Variants in GSPT1 observed in about 807,000 individuals in gnomAD.
The protein encoded by GSPT1 is G1 to S phase transition 1.
Under a neutral mutation model 72.5 loss-of-function variants are expected in GSPT1, and 20 were observed. That is an observed-to-expected ratio of 0.28 (90% confidence interval 0.19 to 0.40). GSPT1 has a LOEUF of 0.40. Among genes scored for constraint, GSPT1 ranks in the 10% least tolerant of loss-of-function variants. GSPT1 has a pLI of 1.00. For missense variants in GSPT1, 580 were observed against 811.9 expected, an observed-to-expected ratio of 0.71 and a Z score of 3.47; for synonymous variants, 334 against 293.5, an observed-to-expected ratio of 1.14 and a Z score of -1.41.
At chr16:11,900,495 GA>G (rs1317434755) in intron 1 of GSPT1, among the ~76,000 whole-genome samples, 1 of 151,942 alleles carries the variant, frequency 6.6e-6, no homozygotes, top group African/African-American at 2.4e-5. Flanking sequence ...CCTAAGTGCC[GA>G]CTGCTAGCTC....
At chr16:11,910,714 C>T (rs140541071) in intron 1 of GSPT1, among the ~76,000 whole-genome samples, 80 of 152,294 alleles carry the variant, frequency 5.3e-4, no homozygotes, top group African/African-American at 1.8e-3. Flanking sequence ...TTAACTTGTT[C>T]AAACTGAAAT....
intron 5 of GSPT1, among the ~76,000 whole-genome samples, chr16:11,893,743 CAT>C (rs2054299269): frequency 6.6e-6 from 1 of 152,134 alleles, no homozygotes; most frequent in South Asian, 2.1e-4. Context: ...TGTCCTGAAA[CAT>C]AACATCATAT....
intron 11 of GSPT1, among the ~76,000 whole-genome samples, chr16:11,882,799 TA>T (rs549417221): frequency 4.8e-3 from 683 of 142,862 alleles, no homozygotes; most frequent in Middle Eastern, 0.018. Flanking sequence ...AATTTTTATT[TA>T]AAAAAAAAAA....
intron 1 of GSPT1, chr16:11,909,003 A>G (rs1211946632): frequency 3.3e-5 from 5 of 152,168 alleles, no homozygotes; most frequent in Admixed American, 3.3e-4. Context: ...AACCACCTAA[A>G]GGCAATGGAC....
chr16:11,870,224 AG>A lies in GSPT1; in HGVS notation c.*2894del, dbSNP rs2053963726. On this transcript the variant is annotated 3_prime_UTR_variant, in exon 15 of 15. Transcript: ENST00000434724. Reference sequence around the variant, plus strand: ...CAACTCTTTTGGTTTGATTTTACATAGATTTTCACTTACTTCTGCAAATTAA... The same window carrying A: ...CAACTCTTTTGGTTTGATTTTACATAATTTTCACTTACTTCTGCAAATTAA... The A allele has an allele frequency of 6.6e-6, 1 of 152,240 alleles. No homozygotes were observed. The highest frequency in any genetic ancestry group is 2.4e-5 in the African/African-American group (1 of 41,468). 9.4% of individuals were successfully genotyped at this position (152,240 alleles called of 1,614,324 possible). A position where few individuals can be genotyped will look rare whatever the true frequency, so the allele number is the denominator to read the frequency against.
Position 11,885,171 on chromosome 16 carries a change from T to C in GSPT1, c.1347+10A>G. ...CCCAGGAAACCCAATTTCTTTAACA[T>C]TTTGGGTACCTTGTACTTATCCACA... On this transcript the variant is annotated intron_variant, in intron 10 of 14. Coordinates refer to ENST00000434724, the MANE Select transcript of GSPT1 (RefSeq NM_002094.4). The C allele has an allele frequency of 7.3e-7, 1 of 1,373,744 alleles. No individual in the cohort carries two copies. Among genetic ancestry groups the C allele is most frequent in the Non-Finnish European group, 1.0e-6 (1 of 961,532 alleles). 85.1% of individuals were successfully genotyped at this position (1,373,744 alleles called of 1,614,324 possible). A position where few individuals can be genotyped will look rare whatever the true frequency, so the allele number is the denominator to read the frequency against.
At chr16:11,879,546 A>G (rs949012043) in intron 11 of GSPT1, among the ~76,000 whole-genome samples, 1 of 152,162 alleles carries the variant, frequency 6.6e-6, no homozygotes, top group African/African-American at 2.4e-5. Context: ...CAGCCTGGCC[A>G]ACACGGTGAA....
chr16:11,886,835 G>A lies in GSPT1; in HGVS notation c.1054C>T (p.His352Tyr). The A allele has an allele frequency of 6.2e-7, 1 of 1,613,356 alleles. No individual in the cohort carries two copies. The highest frequency in any genetic ancestry group is 8.5e-7 in the Non-Finnish European group (1 of 1,179,338). ...ATCTTATTAATTAGCACAATTAGGT[G>A]TTTTACACCTGCTGTCTTTGCCAAC... ...AMLAKTAGVKHLIVLINKMDD... is the reference protein window; with the variant it reads ...AMLAKTAGVKYLIVLINKMDD... Residue 352 changes from histidine to tyrosine, a missense_variant, in exon 8 of 15, where the codon CAC becomes TAC. By Grantham distance (83) the His-to-Tyr change is moderately conservative (BLOSUM62 2). Transcript: ENST00000434724.
chr16:11,914,199 G>C (rs752334433), intron 1 of GSPT1, among the ~76,000 whole-genome samples: 1 of 152,146 alleles, frequency 6.6e-6, no homozygotes, highest in Non-Finnish European at 1.5e-5. Flanking sequence ...TCTCTTTAAG[G>C]AAACACTGAT....
At chr16:11,915,332 G>A (rs1412877996) in intron 1 of GSPT1, 37 bp downstream of exon 1, 2 of 1,428,666 alleles carry the variant, frequency 1.4e-6, no homozygotes, top group Non-Finnish European at 1.8e-6. Flanking sequence ...GGGCTCCGGC[G>A]CCCGGCCGGA....
At chr16:11,915,278 G>A (rs879383823) in intron 1 of GSPT1, 91 bp downstream of exon 1, 210 of 1,223,356 alleles carry the variant, frequency 1.7e-4, no homozygotes, top group Admixed American at 3.1e-4. Flanking sequence ...GTGCCGACCG[G>A]GCCCCAGGGC....
At chr16:11,902,776 G>C (rs2054430918) in intron 1 of GSPT1, among the ~76,000 whole-genome samples, 1 of 151,954 alleles carries the variant, frequency 6.6e-6, no homozygotes, top group East Asian at 1.9e-4. Flanking sequence ...TAGTAGAGAC[G>C]GGGGTTTCAC....
intron 6 of GSPT1, among the ~76,000 whole-genome samples, chr16:11,890,288 C>G (rs2054242541): frequency 6.6e-6 from 1 of 152,136 alleles, no homozygotes; most frequent in Admixed American, 6.6e-5. Flanking sequence ...TAAAAAATAA[C>G]TGTCCTCAGA....
chr16:11,875,418 A>T (rs71383302), intron 14 of GSPT1, among the ~76,000 whole-genome samples: 1,676 of 143,810 alleles, frequency 0.012, 13 homozygotes, highest in African/African-American at 0.031. Context: ...AATTAGGTGT[A>T]AAAAAAAAAA....
At chr16:11,892,848 AAAAAAAAG>A (rs1362247468) in intron 5 of GSPT1, among the ~76,000 whole-genome samples, 8 of 149,830 alleles carry the variant, frequency 5.3e-5, no homozygotes, top group African/African-American at 2.0e-4. Context: ...AAAAAAAAAA[AAAAAAAAG>A]AAAAGAAAAG....
chr16:11,915,372 C>A lies in GSPT1; in HGVS notation c.349G>T (p.Ala117Ser). ...HGAGSGAGGR[A>S]APVESSQEEQ... The stretch of plus-strand genomic sequence containing the variant: ...CTCCCGCGTCCCGGGCCTTTACCCG[C>A]ACGGCCTCCCGCGCCGCTGCCGGCT... The change falls in exon 1 of 15, where the codon GCG becomes TCG. Residue 117 changes from alanine to serine, a missense_variant. Around this residue, in one of 6 missense-constraint regions of GSPT1, gnomAD observed 327 missense variants for 298.8 expected, o/e 1.09. Coordinates refer to ENST00000434724, the MANE Select transcript of GSPT1 (RefSeq NM_002094.4). 1 of 1,480,912 alleles carries A rather than the reference C, an allele frequency of 6.8e-7. No homozygotes were observed. Among genetic ancestry groups the A allele is most frequent in the African/African-American group, 1.5e-5 (1 of 67,042 alleles). The allele number at this position is 1,480,912 out of a possible 1,614,324, so 91.7% of individuals were successfully genotyped here. A position where few individuals can be genotyped will look rare whatever the true frequency, so the allele number is the denominator to read the frequency against.
In GSPT1 at chr16:11,899,549, G is replaced by C. The variant is rs531329481; in HGVS notation, c.353-1514C>G. The stretch of plus-strand genomic sequence containing the variant: ...GAGAAAGGGAGAGTAAAAGGTCTAA[G>C]ATGACCCCAAGCTGTGGGATGAGCA... On this transcript the variant is annotated intron_variant, in intron 1 of 14. Transcript: ENST00000434724. Among the ~76,000 whole-genome samples, 3 of 152,266 alleles carry C rather than the reference G, an allele frequency of 2.0e-5. No individual in the cohort carries two copies. The East Asian group carries it at 5.8e-4, about 29-fold the overall frequency.
chr16:11,893,675 T>C (rs2054298398), intron 5 of GSPT1, among the ~76,000 whole-genome samples: 2 of 152,150 alleles, frequency 1.3e-5, no homozygotes. Flanking sequence ...AGCATTTGCA[T>C]GTAGAAACCC....
At chr16:11,906,078 T>G (rs1241078661) in intron 1 of GSPT1, among the ~76,000 whole-genome samples, 6 of 152,134 alleles carry the variant, frequency 3.9e-5, no homozygotes, top group Admixed American at 2.0e-4. Flanking sequence ...ACTTCATTTT[T>G]TCACTTTTCT....
Sources: gnomAD v4.1 joint callset for allele counts (sites outside exome capture counted in the v4.1 genomes callset) on GRCh38, gnomAD v4.1.1 for gene constraint, gnomAD v4.1.1 regional missense constraint, MANE v1.5 for transcripts, NCBI Gene and HGNC (gene_info 2026-07-23, HGNC 2026-07-21) for gene names.